The following ZNF446 variants were observed in gnomAD, a reference collection of about 807,000 sequenced individuals.
ZNF446 encodes the protein zinc finger protein 446, also known as zinc finger protein with KRAB and SCAN domains 20.
In ZNF446, 42 loss-of-function variants were observed where a neutral mutation model predicts 34.0. The ratio of observed to expected loss-of-function variants is 1.23; its 90% confidence interval spans 0.96 to 1.60. ZNF446 has a LOEUF of 1.60. ZNF446 is among the 40% of genes most tolerant of loss of function. ZNF446 has a pLI of 0.00. For missense variants in ZNF446, 650 were observed against 600.2 expected, an observed-to-expected ratio of 1.08 and a Z score of -0.87; for synonymous variants, 315 against 251.0, an observed-to-expected ratio of 1.25 and a Z score of -2.41.
At chr19:58,485,013 C>A (rs796876157), downstream of ZNF446, among the ~76,000 whole-genome samples, 6 of 151,672 alleles carry the variant, frequency 4.0e-5, 2 homozygotes, top group African/African-American at 1.2e-4. Flanking sequence ...GAGCCATGAT[C>A]GTGCCAGCCG....
the ZNF446 span, among the ~76,000 whole-genome samples, chr19:58,486,476 C>T: frequency 3.9e-5 from 6 of 152,200 alleles, no homozygotes; most frequent in South Asian, 2.1e-4. Flanking sequence ...GGGGTAATCT[C>T]GGCTCACTGC....
chr19:58,479,885 C>T, intron 5 of ZNF446, 45 bp from the exon 6 acceptor site: 1 of 1,483,968 alleles, frequency 6.7e-7, no homozygotes, highest in Non-Finnish European at 9.2e-7. Context: ...CCCCACCCCT[C>T]CTTCATGCAA....
chr19:58,477,064 C>A (rs114598333), intron 1 of ZNF446, 115 bp from the exon 2 acceptor site: 3 of 669,792 alleles, frequency 4.5e-6, no homozygotes, highest in Non-Finnish European at 7.7e-6. Flanking sequence ...GGCCTTATCT[C>A]TTCTGGCCTC....
intron 4 of ZNF446, chr19:58,479,387 C>T: frequency 2.0e-6 from 1 of 503,532 alleles, no homozygotes; most frequent in Non-Finnish European, 3.5e-6. Flanking sequence ...ACTCAGGTCC[C>T]TGTGATGCTG....
chr19:58,481,849 G>A (rs537738511), downstream of ZNF446, among the ~76,000 whole-genome samples: 7 of 152,162 alleles, frequency 4.6e-5, no homozygotes, highest in South Asian at 2.1e-4. Context: ...GCTGCAGTGC[G>A]GTGGCACAAT....
chr19:58,476,963 G>A (rs1441054133), intron 1 of ZNF446, among the ~76,000 whole-genome samples: 1 of 152,126 alleles, frequency 6.6e-6, no homozygotes, highest in Non-Finnish European at 1.5e-5. Context: ...GACACCTTGC[G>A]TCCAAGCATT....
downstream of ZNF446, among the ~76,000 whole-genome samples, chr19:58,481,667 G>A (rs1196848604): frequency 6.6e-6 from 1 of 152,218 alleles, no homozygotes; most frequent in African/African-American, 2.4e-5. Context: ...CCAATGCACT[G>A]TATTAGTTTT....
rs200079201 is a variant in ZNF446 at position 58,479,919 on chromosome 19, C to G, written c.713-11C>G. 9.9e-4 allele frequency: 1,541 copies of G among 1,560,304 alleles called. 2 individuals are homozygous for G. Among genetic ancestry groups the G allele is most frequent in the East Asian group, 2.3e-3 (98 of 42,342 alleles). On this transcript the variant is annotated splice_polypyrimidine_tract_variant and intron_variant, in intron 5 of 6. Coordinates refer to ENST00000594369, the MANE Select transcript of ZNF446 (RefSeq NM_017908.4). The stretch of plus-strand genomic sequence containing the variant: ...AAACCCCATGCCTAACTGTGCCCCC[C>G]ACCCGGGCAGGGTTACCGCCCCACC...
rs369074413 is a variant in ZNF446 at position 58,478,726 on chromosome 19, T to C, written c.627+545T>C. Among the ~76,000 whole-genome samples, 36 of 151,846 alleles carry C rather than the reference T, an allele frequency of 2.4e-4. 1 individual carries two copies. Among genetic ancestry groups the C allele is most frequent in the African/African-American group, 8.5e-4 (35 of 41,348 alleles). On this transcript the variant is annotated intron_variant, in intron 4 of 6. Coordinates refer to ENST00000594369, the MANE Select transcript of ZNF446 (RefSeq NM_017908.4). ...CCATGGAAACCCAGTTTAGAGTGGCTGGAACTAGTGGGCTTGGCTTCCTCA... is the reference window on the plus strand; with the variant it reads ...CCATGGAAACCCAGTTTAGAGTGGCCGGAACTAGTGGGCTTGGCTTCCTCA...
At position 58,477,681 on chromosome 19, in the gene ZNF446, G is replaced by A; in HGVS notation, c.387G>A (p.Gln129=). 6.2e-7 allele frequency: 1 copy of A among 1,613,910 alleles called. No individual in the cohort carries two copies. Among genetic ancestry groups the A allele is most frequent in the African/African-American group, 1.3e-5 (1 of 75,078 alleles). The change falls in exon 3 of 7, where the codon CAG becomes CAA. Residue 129 remains glutamine (Q), a synonymous_variant. Coordinates refer to ENST00000594369, the MANE Select transcript of ZNF446 (RefSeq NM_017908.4). ...AGCAGGAGGTGCTCCCTGCAGCCCA[G>A]AAGACAGAGGAACCACTTGGGAGCC... The part of the protein sequence containing the change: ...VLKQEVLPAA[Q]KTEEPLGSPH...
At chr19:58,488,775 C>G in the ZNF446 span, among the ~76,000 whole-genome samples, 1 of 145,524 alleles carries the variant, frequency 6.9e-6, no homozygotes, top group Admixed American at 7.1e-5. Flanking sequence ...GGCGTGAACC[C>G]AGGAGGTGGA....
At chr19:58,486,720 G>GGC in the ZNF446 span, among the ~76,000 whole-genome samples, 50 of 150,686 alleles carry the variant, frequency 3.3e-4, 1 homozygote, top group African/African-American at 1.2e-3. Flanking sequence ...TTTTTTTTGG[G>GGC]GGGGGGCGGG....
In ZNF446 at chr19:58,480,560, CGT is replaced by C; in HGVS notation, c.1191_1192del (p.Cys397Ter). ...TCACTCACAGGCCCCCGGAGTTACC[CGT>C]GTGAGGAGTGCGGGTGCAGCTTCAG... On this transcript the variant is annotated frameshift_variant, in exon 7 of 7. Transcript: ENST00000594369. LOFTEE classifies it high-confidence loss of function. The surrounding 1 kb of genome is among the most constrained non-coding windows in gnomAD (Gnocchi z 7.2). 1 of 1,612,992 alleles carries C rather than the reference CGT, an allele frequency of 6.2e-7. No individual in the cohort carries two copies. Among genetic ancestry groups the C allele is most frequent in the Non-Finnish European group, 8.5e-7 (1 of 1,179,970 alleles).
At chr19:58,481,875 G>C (rs2053142801), downstream of ZNF446, among the ~76,000 whole-genome samples, 1 of 152,118 alleles carries the variant, frequency 6.6e-6, no homozygotes, top group Non-Finnish European at 1.5e-5. Flanking sequence ...CTCACTGCAA[G>C]CTCTGCCTCC....
At chr19:58,477,902 A>G (rs1470586258) in intron 3 of ZNF446, 76 bp downstream of exon 3, 89 of 1,424,740 alleles carry the variant, frequency 6.2e-5, no homozygotes, top group Non-Finnish European at 7.8e-5. Flanking sequence ...TGGGAGTCCC[A>G]GGAGAGGTGT....
chr19:58,480,256 T>G lies in ZNF446; in HGVS notation c.883T>G (p.Ser295Ala). ...GPGPAAWEGL[S>A]GAATPAPTVR... ...AGGGCCGGCAGCCTGGGAGGGCTTG[T>G]CTGGGGCTGCCACTCCTGCCCCCAC... The change falls in exon 7 of 7, where the codon TCT becomes GCT. Residue 295 changes from serine (S) to alanine (A), a missense_variant. Ser to Ala is a moderately conservative substitution (Grantham distance 99). Transcript: ENST00000594369. The surrounding 1 kb of genome is among the most constrained non-coding windows in gnomAD (Gnocchi z 7.2). 6.3e-7 allele frequency: 1 copy of G among 1,580,292 alleles called. No homozygotes were observed. Among genetic ancestry groups the G allele is most frequent in the Non-Finnish European group, 8.6e-7 (1 of 1,167,160 alleles).
the ZNF446 span, among the ~76,000 whole-genome samples, chr19:58,488,549 T>C: frequency 2.6e-5 from 3 of 116,740 alleles, no homozygotes; most frequent in Non-Finnish European, 5.2e-5. Context: ...AACATGACTA[T>C]GATAAAAAAA....
chr19:58,480,711 G>A lies in ZNF446; in HGVS notation c.1338G>A (p.Arg446=), dbSNP rs774859561. 7.5e-6 allele frequency: 12 copies of A among 1,604,506 alleles called. No homozygotes were observed. The African/African-American group carries it at 1.6e-4, about 21-fold the overall frequency. The change falls in exon 7 of 7, where the codon CGG becomes CGA. Residue 446 remains arginine, a synonymous_variant. Coordinates refer to ENST00000594369, the MANE Select transcript of ZNF446 (RefSeq NM_017908.4). This position sits in a 1 kb window ranked among gnomAD's most constrained non-coding sequence, Gnocchi z 7.2. ...SQLVIHRKGH[R]PEVP is the part of the protein sequence containing the mutation. The stretch of plus-strand genomic sequence containing the variant: ...TGGTCATCCACCGCAAGGGCCACCG[G>A]CCGGAGGTTCCATGAGCAGCCAGAC...
intron 4 of ZNF446, 124 bp from the exon 5 acceptor site, chr19:58,479,519 C>T (rs2122446331): frequency 1.0e-6 from 1 of 977,006 alleles, no homozygotes; most frequent in Non-Finnish European, 1.5e-6. Flanking sequence ...AGATCATTCT[C>T]AGCAGGAGGG....
Sources: allele counts gnomAD v4.1 joint callset (sites outside exome capture counted in the v4.1 genomes callset), GRCh38; gene constraint gnomAD v4.1.1; non-coding constraint Gnocchi (gnomAD v3.1); transcripts MANE v1.5; gene names NCBI Gene and HGNC (gene_info 2026-07-23, HGNC 2026-07-21).